The following ZZEF1 variants were observed in gnomAD, a reference collection of about 807,000 sequenced individuals.
The protein encoded by ZZEF1 is zinc finger ZZ-type and EF-hand domain-containing protein 1.
In ZZEF1, 157 loss-of-function variants were observed where a neutral mutation model predicts 342.8. The observed-to-expected ratio is 0.46, with a 90% CI of 0.40 to 0.52. The LOEUF (loss-of-function observed/expected upper bound fraction) is 0.52. Ranked by LOEUF, ZZEF1 falls within the 20% of genes least tolerant of loss-of-function variation. ZZEF1 has a pLI of 0.00. For missense variants in ZZEF1, 3,480 were observed against 3,725.6 expected (o/e 0.93, Z 1.72); for synonymous variants, 1,505 against 1,429.1 (o/e 1.05, Z -1.20).
At chr17:4,019,428 T>C (rs1281004880) in intron 46 of ZZEF1, among the ~76,000 whole-genome samples, 2 of 151,996 alleles carry the variant, frequency 1.3e-5, no homozygotes, top group African/African-American at 2.4e-5. Flanking sequence ...GTAAAATGAG[T>C]TTCCTCTCAG....
In ZZEF1 at chr17:4,123,895, T is replaced by C. The variant is rs372540313; in HGVS notation, c.499+12A>G. 3.5e-5 allele frequency: 56 copies of C among 1,611,114 alleles called. No individual in the cohort carries two copies. Among genetic ancestry groups the C allele is most frequent in the Non-Finnish European group, 4.1e-5 (48 of 1,179,072 alleles). On this transcript the variant is annotated intron_variant, in intron 2 of 54. Transcript: ENST00000381638. ...CTTTGGTTCTAAGACAGCACCTAGA[T>C]GGAAGCCTCACCTGGAACCAGAGAG...
At chr17:4,031,117 C>A (rs1006458389) in intron 42 of ZZEF1, among the ~76,000 whole-genome samples, 1 of 152,064 alleles carries the variant, frequency 6.6e-6, no homozygotes, top group Non-Finnish European at 1.5e-5. Context: ...GAGTTTGAGA[C>A]CAGCCTGGCC....
chr17:4,108,400 T>C (rs2058245635), intron 6 of ZZEF1, among the ~76,000 whole-genome samples: 1 of 152,178 alleles, frequency 6.6e-6, no homozygotes, highest in South Asian at 2.1e-4. Flanking sequence ...TTTTCAAAAG[T>C]ATCAGGGTCA....
Position 4,050,957 on chromosome 17 carries a change from T to C in ZZEF1, c.5687A>G (p.His1896Arg), listed in dbSNP as rs769382739. ...AGCAAAGAGCAGCCAGGAGTAGTTA[T>C]GGATATATGGCTGGATGAGCCTCTG... ...DRQRLIQPYI[H>R]NYSWLLFAAL... The change falls in exon 36 of 55, where the codon CAT becomes CGT. Residue 1896 changes from histidine (H) to arginine (R), a missense_variant. Physicochemically the swap from His to Arg is conservative, Grantham distance 29 (BLOSUM62 0). Around this residue, in one of 5 missense-constraint regions of ZZEF1, gnomAD observed 175 missense variants for 254.6 expected, o/e 0.69. Coordinates refer to ENST00000381638, the MANE Select transcript of ZZEF1 (RefSeq NM_015113.4). The C allele has an allele frequency of 3.1e-6, 5 of 1,614,252 alleles. No individual in the cohort carries two copies. Among genetic ancestry groups the C allele is most frequent in the Non-Finnish European group, 3.4e-6 (4 of 1,180,048 alleles).
chr17:4,016,450 A>C lies in ZZEF1; in HGVS notation c.8018T>G (p.Leu2673Arg), dbSNP rs2056103527. 2.5e-6 allele frequency: 4 copies of C among 1,611,324 alleles called. No homozygotes were observed. Among genetic ancestry groups the C allele is most frequent in the Non-Finnish European group, 8.5e-7 (1 of 1,179,408 alleles). The part of the protein sequence containing the change: ...HEWEKILQKV[L>R]QGCREDMLGT... ...CAGCATGTCCTCTCGGCAGCCCTGG[A>C]GCACTTTCTGCAGGATCTGGTGGGA... Residue 2673 changes from leucine (L) to arginine (R), a missense_variant, in exon 49 of 55, where the codon CTC becomes CGC. By Grantham distance (102) the Leu-to-Arg change is moderately radical. Around this residue, in one of 5 missense-constraint regions of ZZEF1, gnomAD observed 1,269 missense variants for 1,342.4 expected, o/e 0.95. Coordinates refer to ENST00000381638, the MANE Select transcript of ZZEF1 (RefSeq NM_015113.4). The surrounding 1 kb of genome is among the most constrained non-coding windows in gnomAD (Gnocchi z 4.4).
intron 41 of ZZEF1, 101 bp from the exon 42 acceptor site, chr17:4,032,359 C>T (rs1191504901): frequency 1.6e-6 from 2 of 1,280,696 alleles, no homozygotes; most frequent in Non-Finnish European, 2.1e-6. Context: ...CCTCTGATTT[C>T]AACAAGCACG....
In ZZEF1 at chr17:4,093,911, T is replaced by C. The variant is rs936956201; in HGVS notation, c.1913+1920A>G. ...ATCCGACAGATCCACTTTTAGACTTTACCTTCTGACTTCTGGGTAACATCT... is the reference window on the plus strand; with the variant it reads ...ATCCGACAGATCCACTTTTAGACTTCACCTTCTGACTTCTGGGTAACATCT... On this transcript the variant is annotated intron_variant, in intron 11 of 54. Coordinates refer to ENST00000381638, the MANE Select transcript of ZZEF1 (RefSeq NM_015113.4). 5.3e-5 allele frequency among the ~76,000 whole-genome samples: 8 copies of C among 152,198 alleles called. No homozygotes were observed. In the East Asian group the frequency reaches 1.2e-3, roughly 22 times the overall value.
At chr17:4,133,721 CTT>C (rs145801030) in intron 1 of ZZEF1, among the ~76,000 whole-genome samples, 1 of 148,036 alleles carries the variant, frequency 6.8e-6, no homozygotes, top group African/African-American at 2.5e-5. Context: ...TTTTTGCTAT[CTT>C]TTTTTTTTTT....
intron 2 of ZZEF1, among the ~76,000 whole-genome samples, chr17:4,118,633 C>A (rs1381675563): frequency 2.0e-5 from 3 of 152,158 alleles, no homozygotes; most frequent in African/African-American, 7.2e-5. Flanking sequence ...GATAAATGGG[C>A]CAGAGCAACA....
intron 25 of ZZEF1, 64 bp from the exon 26 acceptor site, chr17:4,070,988 C>A: frequency 6.4e-7 from 1 of 1,565,484 alleles, no homozygotes. Flanking sequence ...ATTTATTGAG[C>A]AAACTATTAG....
intron 39 of ZZEF1, among the ~76,000 whole-genome samples, chr17:4,041,111 C>A (rs1597800177): frequency 2.0e-5 from 3 of 152,302 alleles, no homozygotes; most frequent in Admixed American, 2.0e-4. Flanking sequence ...ACTGTCCAAG[C>A]CTGAGGGTAC....
chr17:4,132,494 C>G (rs1033082185), intron 1 of ZZEF1, among the ~76,000 whole-genome samples: 1 of 152,120 alleles, frequency 6.6e-6, no homozygotes, highest in African/African-American at 2.4e-5. Context: ...GTCAGGGCAT[C>G]AAGACCATCC....
At chr17:4,044,573 C>T (rs1436951814) in intron 37 of ZZEF1, among the ~76,000 whole-genome samples, 199 bp from the exon 38 acceptor site, 1 of 151,918 alleles carries the variant, frequency 6.6e-6, no homozygotes, top group Non-Finnish European at 1.5e-5. Context: ...GGCTAGAGTG[C>T]AGTGGTGTGA....
At chr17:4,125,375 A>C (rs1311348976) in intron 1 of ZZEF1, among the ~76,000 whole-genome samples, 3 of 152,206 alleles carry the variant, frequency 2.0e-5, no homozygotes, top group Non-Finnish European at 2.9e-5. Flanking sequence ...CTGAGGTTTC[A>C]TGACTAACAT....
intron 25 of ZZEF1, 50 bp downstream of exon 25, chr17:4,072,558 C>T (rs1364746629): frequency 6.4e-7 from 1 of 1,553,092 alleles, no homozygotes; most frequent in Non-Finnish European, 8.7e-7. Flanking sequence ...GTAATAAATA[C>T]TTGCAGGCAG....
rs961684877 is a variant in ZZEF1 at position 4,090,790 on chromosome 17, T to C, written c.1954A>G (p.Ile652Val). 6 of 1,614,022 alleles carry C rather than the reference T, an allele frequency of 3.7e-6. No individual in the cohort carries two copies. Among genetic ancestry groups the C allele is most frequent in the Admixed American group, 1.7e-5 (1 of 60,016 alleles). ...TCTTCTTCCAGTTCAAACCAGCCAA[T>C]AGGATCATCCTCTCCAAGGTCATCA... Reference protein sequence around the residue: ...SSDDLGEDDPIGWFELEEEWD... With the variant: ...SSDDLGEDDPVGWFELEEEWD... Residue 652 changes from isoleucine (I) to valine (V), a missense_variant, in exon 12 of 55, where the codon ATT becomes GTT. Around this residue, in one of 5 missense-constraint regions of ZZEF1, gnomAD observed 1,528 missense variants for 1,624.1 expected, o/e 0.94. Coordinates refer to ENST00000381638, the MANE Select transcript of ZZEF1 (RefSeq NM_015113.4).
intron 37 of ZZEF1, among the ~76,000 whole-genome samples, chr17:4,048,219 G>A (rs1030353904): frequency 6.6e-6 from 1 of 152,160 alleles, no homozygotes; most frequent in Non-Finnish European, 1.5e-5. Flanking sequence ...TACAGAAGAC[G>A]TTTCATGGAA....
At chr17:4,103,377 T>TA (rs142957428) in intron 8 of ZZEF1, among the ~76,000 whole-genome samples, 26,337 of 146,046 alleles carry the variant, frequency 0.18, 2,365 homozygotes, top group African/African-American at 0.22. Context: ...AGCTCATTTC[T>TA]AAAAAAAAAA....
chr17:4,042,958 A>G (rs566207494), intron 38 of ZZEF1, among the ~76,000 whole-genome samples: 1 of 152,366 alleles, frequency 6.6e-6, no homozygotes, highest in East Asian at 1.9e-4. Flanking sequence ...CTGGGATTAC[A>G]GGCCTGAGCC....
Sources: allele counts gnomAD v4.1 joint callset (sites outside exome capture counted in the v4.1 genomes callset), GRCh38; gene constraint gnomAD v4.1.1; regional missense constraint gnomAD v4.1.1; non-coding constraint Gnocchi (gnomAD v3.1); transcripts MANE v1.5; gene names NCBI Gene and HGNC (gene_info 2026-07-23, HGNC 2026-07-21).